Variants in MYO5A observed in about 807,000 individuals in gnomAD.
The protein encoded by MYO5A is myosin VA, also known as unconventional myosin-Va.
Under a neutral mutation model 249.7 loss-of-function variants are expected in MYO5A, and 98 were observed. The observed-to-expected ratio is 0.39, with a 90% CI of 0.33 to 0.46. The LOEUF (loss-of-function observed/expected upper bound fraction) is 0.46. Ranked by LOEUF, MYO5A falls within the 20% of genes least tolerant of loss-of-function variation. MYO5A has a pLI of 0.98. For missense variants in MYO5A, 1,696 were observed against 2,308.8 expected (o/e 0.73, Z 5.44); for synonymous variants, 778 against 810.6 (o/e 0.96, Z 0.68).
chr15:52,462,886 T>C (rs1446098746), intron 1 of MYO5A, among the ~76,000 whole-genome samples: 1 of 151,520 alleles, frequency 6.6e-6, no homozygotes, highest in Non-Finnish European at 1.5e-5. Context: ...CATTCAGTAA[T>C]TTCCAAACAT....
chr15:52,439,001 G>A (rs2444019), intron 1 of MYO5A, among the ~76,000 whole-genome samples: 47,995 of 152,206 alleles, frequency 0.32, 9,862 homozygotes, highest in East Asian at 0.66. Context: ...CATCGTTCCT[G>A]CATGGCTAAG....
intron 18 of MYO5A, among the ~76,000 whole-genome samples, chr15:52,377,275 A>T (rs2041464826): frequency 6.6e-6 from 1 of 151,962 alleles, no homozygotes. Flanking sequence ...ACAAAAAATT[A>T]GCCGGGCATG....
intron 3 of MYO5A, among the ~76,000 whole-genome samples, chr15:52,428,158 G>A (rs2075438791): frequency 6.6e-6 from 1 of 152,136 alleles, no homozygotes; most frequent in South Asian, 2.1e-4. Context: ...ACTTCTGTAA[G>A]GGGAAAAAAA....
intron 1 of MYO5A, among the ~76,000 whole-genome samples, chr15:52,461,555 GAGTA>G (rs2076248336): frequency 6.6e-6 from 1 of 152,180 alleles, no homozygotes; most frequent in Non-Finnish European, 1.5e-5. Flanking sequence ...AACAGAACAT[GAGTA>G]AGCATGAAGG....
At chr15:52,384,372 G>T in intron 14 of MYO5A, 50 bp from the exon 15 acceptor site, 1 of 1,555,610 alleles carries the variant, frequency 6.4e-7, no homozygotes, top group Non-Finnish European at 8.9e-7. Flanking sequence ...AAACTTGAAC[G>T]CAAACCTTCA....
chr15:52,405,332 G>C lies in MYO5A; in HGVS notation c.1008C>G (p.Gly336=), dbSNP rs760728082. 1 of 1,613,888 alleles carries C rather than the reference G, an allele frequency of 6.2e-7. No homozygotes were observed. The highest frequency in any genetic ancestry group is 1.1e-5 in the South Asian group (1 of 91,086). ...CATCTCGGGATGTAAATCCAACATT[G>C]CCTAAGTGAAGGATGCCAGCAAGTA... ...FRILAGILHL[G]NVGFTSRDAD... The change falls in exon 9 of 42, where the codon GGC becomes GGG. Residue 336 remains glycine, a synonymous_variant. Coordinates refer to ENST00000399233, the MANE Select transcript of MYO5A (RefSeq NM_001382347.1).
chr15:52,451,436 GA>G (rs1284143250), intron 1 of MYO5A, among the ~76,000 whole-genome samples: 4 of 152,120 alleles, frequency 2.6e-5, no homozygotes, highest in African/African-American at 9.7e-5. Flanking sequence ...TTTTGAAATG[GA>G]AAAACAGGAT....
intron 2 of MYO5A, 103 bp downstream of exon 2, chr15:52,433,072 G>T: frequency 1.1e-6 from 1 of 883,714 alleles, no homozygotes; most frequent in Non-Finnish European, 1.9e-6. Flanking sequence ...TTCTAGGTAA[G>T]TTCAAAATTT....
At chr15:52,501,287 T>C (rs1019990458) in intron 1 of MYO5A, among the ~76,000 whole-genome samples, 2 of 152,156 alleles carry the variant, frequency 1.3e-5, no homozygotes, top group African/African-American at 4.8e-5. Flanking sequence ...CGTTTTTTTT[T>C]TACTCAAAAA....
chr15:52,451,947 T>C (rs1257385609), intron 1 of MYO5A, among the ~76,000 whole-genome samples: 1 of 152,240 alleles, frequency 6.6e-6, no homozygotes, highest in Non-Finnish European at 1.5e-5. Flanking sequence ...ACATAGTGTC[T>C]GATCTATAAT....
intron 10 of MYO5A, among the ~76,000 whole-genome samples, chr15:52,396,716 C>T (rs1253638325): frequency 6.6e-6 from 1 of 152,060 alleles, no homozygotes; most frequent in Non-Finnish European, 1.5e-5. Flanking sequence ...ATAATAAAGC[C>T]ATTGCTCTTG....
intron 1 of MYO5A, among the ~76,000 whole-genome samples, chr15:52,479,696 T>C (rs976467236): frequency 9.2e-5 from 14 of 152,264 alleles, no homozygotes; most frequent in African/African-American, 3.4e-4. Context: ...TCATAAACTA[T>C]ATTCATATAT....
At chr15:52,453,723 G>T (rs1016875708) in intron 1 of MYO5A, among the ~76,000 whole-genome samples, 1 of 151,708 alleles carries the variant, frequency 6.6e-6, no homozygotes, top group African/African-American at 2.4e-5. Context: ...GATTATAGAG[G>T]TTTTTTTTAA....
chr15:52,467,076 T>C (rs910896699), intron 1 of MYO5A, among the ~76,000 whole-genome samples: 3 of 152,176 alleles, frequency 2.0e-5, no homozygotes, highest in Admixed American at 1.3e-4. Flanking sequence ...AGCATCATAG[T>C]CACATCTTCA....
intron 9 of MYO5A, among the ~76,000 whole-genome samples, chr15:52,401,761 C>T (rs1435394798): frequency 6.6e-6 from 1 of 152,150 alleles, no homozygotes; most frequent in African/African-American, 2.4e-5. Flanking sequence ...TCTCTCTCTT[C>T]TCTCCTTTAT....
At position 52,319,048 on chromosome 15, in the gene MYO5A, G is replaced by A. The variant is rs113067572; in HGVS notation, c.5234+12C>T. The A allele has an allele frequency of 2.1e-3, 3,443 of 1,613,874 alleles. 9 individuals carry two copies. Among genetic ancestry groups the A allele is most frequent in the Non-Finnish European group, 2.3e-3 (2,661 of 1,179,974 alleles). Reference sequence around the variant, plus strand: ...CAAAAAGACACTGTCGCAGGTGTTGGCATTTGCTCACCTGATCTGCATGCC... The same window carrying A: ...CAAAAAGACACTGTCGCAGGTGTTGACATTTGCTCACCTGATCTGCATGCC... On this transcript the variant is annotated intron_variant, in intron 39 of 41. Coordinates refer to ENST00000399233, the MANE Select transcript of MYO5A (RefSeq NM_001382347.1).
At chr15:52,508,046 C>A (rs909675268) in intron 1 of MYO5A, among the ~76,000 whole-genome samples, 2 of 151,914 alleles carry the variant, frequency 1.3e-5, no homozygotes, top group African/African-American at 4.8e-5. Flanking sequence ...TATGGTCACA[C>A]AAGGAGAAGC....
chr15:52,460,656 TGCGAGG>T (rs150007594), intron 1 of MYO5A, among the ~76,000 whole-genome samples: 18 of 151,696 alleles, frequency 1.2e-4, no homozygotes, highest in South Asian at 2.1e-4. Flanking sequence ...ACGAGGACCG[TGCGAGG>T]GCGAGGGCGA....
Position 52,433,285 on chromosome 15 carries a change from A to G in MYO5A, c.28T>C (p.Phe10Leu). Residue 10 changes from phenylalanine to leucine, a missense_variant and splice_region_variant, in exon 2 of 42, where the codon TTT becomes CTT. Around this residue, in one of 5 missense-constraint regions of MYO5A, gnomAD observed 197 missense variants for 320.3 expected, o/e 0.62. Transcript: ENST00000399233. MAASELYTK[F>L]ARVWIPDPEE... The stretch of plus-strand genomic sequence containing the variant: ...GGATCAGGTATCCAAACCCTGGCAA[A>G]CTAGAAGACAAAAAGAAAAAAATTT... The G allele has an allele frequency of 6.2e-7, 1 of 1,608,154 alleles. No homozygotes were observed. Among genetic ancestry groups the G allele is most frequent in the Non-Finnish European group, 8.5e-7 (1 of 1,174,804 alleles).
Sources: gnomAD v4.1 joint callset for allele counts (sites outside exome capture counted in the v4.1 genomes callset) on GRCh38, gnomAD v4.1.1 for gene constraint, gnomAD v4.1.1 regional missense constraint, MANE v1.5 for transcripts, NCBI Gene and HGNC (gene_info 2026-07-23, HGNC 2026-07-21) for gene names.